CRACR2A: variants seen among roughly 807,000 people sequenced by gnomAD.
The protein encoded by CRACR2A is EF-hand calcium-binding domain-containing protein 4B.
In CRACR2A, 79 loss-of-function variants were observed where a neutral mutation model predicts 90.5. The observed-to-expected ratio is 0.87, with a 90% CI of 0.73 to 1.05. The LOEUF (loss-of-function observed/expected upper bound fraction) is 1.05, where lower values mean the gene tolerates loss of function less well. Ranked by LOEUF, CRACR2A falls within the 50% of genes least tolerant of loss-of-function variation. The pLI is 0.00. For synonymous variants in CRACR2A, 338 were observed against 356.7 expected, an observed-to-expected ratio of 0.95 and a Z score of 0.59; for missense variants, 823 against 897.2, an observed-to-expected ratio of 0.92 and a Z score of 1.06.
At position 3,696,800 on chromosome 12, in the gene CRACR2A, T is replaced by A; in HGVS notation, c.200A>T (p.Lys67Met). ...CATATCCTTCCTGGCGATGAAGCCC[T>A]TGCCTTCAGCATCACAGGTCTGAAA... Reference protein sequence around the residue: ...EFFQTCDAEGKGFIARKDMQR... With the variant: ...EFFQTCDAEGMGFIARKDMQR... The change falls in exon 4 of 20, where the codon AAG (lysine) becomes ATG (methionine). Residue 67 changes from lysine to methionine, a missense_variant. Physicochemically the swap from Lys to Met is moderately conservative, Grantham distance 95. Coordinates refer to ENST00000440314, the MANE Select transcript of CRACR2A (RefSeq NM_001144958.2). The A allele has an allele frequency of 6.2e-7, 1 of 1,614,216 alleles. No homozygotes were observed. Among genetic ancestry groups the A allele is most frequent in the Non-Finnish European group, 8.5e-7 (1 of 1,180,036 alleles).
At chr12:3,672,684 G>T in intron 7 of CRACR2A, 1 of 866,666 alleles carries the variant, frequency 1.2e-6, no homozygotes, top group Non-Finnish European at 1.4e-6. Flanking sequence ...TAATTCTCAT[G>T]AAGGGACTGG....
At chr12:3,733,811 A>C in intron 1 of CRACR2A, among the ~76,000 whole-genome samples, 1 of 151,662 alleles carries the variant, frequency 6.6e-6, no homozygotes, top group Non-Finnish European at 1.5e-5. Context: ...TCCTGAGACC[A>C]CAAGACCACA....
rs1295406691 is a variant in CRACR2A at position 3,746,656 on chromosome 12, A to G, written c.-387+6359T>C. On this transcript the variant is annotated intron_variant, in intron 1 of 19. Transcript: ENST00000440314. This position sits in a 1 kb window ranked among gnomAD's most constrained non-coding sequence, Gnocchi z 4.4. ...AGTATGCATGCCTACTACAGGGACC[A>G]CCCCTCTCTTCTTAGACCAGACCCC... Among the ~76,000 whole-genome samples the G allele has an allele frequency of 6.6e-6, 1 of 152,140 alleles. No individual in the cohort carries two copies. The highest frequency in any genetic ancestry group is 1.9e-4 in the East Asian group (1 of 5,194).
chr12:3,619,630 C>G (rs1204643216), intron 17 of CRACR2A, among the ~76,000 whole-genome samples: 1 of 152,198 alleles, frequency 6.6e-6, no homozygotes, highest in Admixed American at 6.5e-5. Context: ...ACCGCTCCCC[C>G]TTCACGATGC....
At chr12:3,714,342 T>C (rs920627069) in intron 2 of CRACR2A, among the ~76,000 whole-genome samples, 7 of 152,184 alleles carry the variant, frequency 4.6e-5, no homozygotes, top group Non-Finnish European at 8.8e-5. Context: ...TTTTAGATAA[T>C]GAAAAGTGCT....
At chr12:3,715,378 C>T (rs1270714723) in intron 2 of CRACR2A, among the ~76,000 whole-genome samples, 2 of 152,202 alleles carry the variant, frequency 1.3e-5, no homozygotes, top group Non-Finnish European at 2.9e-5. Flanking sequence ...GACAGCTATT[C>T]TAAGATGGAG....
intron 7 of CRACR2A, among the ~76,000 whole-genome samples, chr12:3,662,543 T>C (rs1408785183): frequency 1.3e-5 from 2 of 152,360 alleles, no homozygotes; most frequent in Non-Finnish European, 1.5e-5. Flanking sequence ...TATTTACTCC[T>C]GTCATTTTAA....
intron 7 of CRACR2A, among the ~76,000 whole-genome samples, chr12:3,666,705 C>T (rs1945157986): frequency 6.6e-6 from 1 of 152,246 alleles, no homozygotes; most frequent in African/African-American, 2.4e-5. Context: ...CAGCTAACGG[C>T]ACATAGGCCA....
At chr12:3,641,111 C>T (rs1029026201) in intron 13 of CRACR2A, among the ~76,000 whole-genome samples, 4 of 152,198 alleles carry the variant, frequency 2.6e-5, no homozygotes, top group South Asian at 2.1e-4. Context: ...TTTGGGAGGC[C>T]GAGGCGGGCA....
intron 4 of CRACR2A, among the ~76,000 whole-genome samples, chr12:3,686,726 C>T (rs1945562050): frequency 6.6e-6 from 1 of 152,072 alleles, no homozygotes; most frequent in South Asian, 2.1e-4. Flanking sequence ...CAACATCTAC[C>T]CCAATTCTGT....
intron 3 of CRACR2A, among the ~76,000 whole-genome samples, chr12:3,712,609 C>A (rs1946021950): frequency 6.6e-6 from 1 of 152,182 alleles, no homozygotes; most frequent in Non-Finnish European, 1.5e-5. Context: ...GATTCACCCC[C>A]ATAATCCAAT....
At chr12:3,693,545 G>C (rs964797552) in intron 4 of CRACR2A, among the ~76,000 whole-genome samples, 6 of 152,158 alleles carry the variant, frequency 3.9e-5, no homozygotes, top group African/African-American at 1.2e-4. Context: ...GCCTAAAAAG[G>C]ATCTTATTTC....
At chr12:3,661,131 G>T (rs1253424477) in intron 7 of CRACR2A, among the ~76,000 whole-genome samples, 1 of 152,112 alleles carries the variant, frequency 6.6e-6, no homozygotes, top group Non-Finnish European at 1.5e-5. Flanking sequence ...GCTGTCCAAG[G>T]CTTTGCCACA....
At position 3,733,790 on chromosome 12, in the gene CRACR2A, C is replaced by T. The variant is rs566656702; in HGVS notation, c.-386-580G>A. Among the ~76,000 whole-genome samples the T allele has an allele frequency of 2.0e-5, 3 of 151,682 alleles. No homozygotes were observed. The East Asian group carries it at 5.8e-4, about 29-fold the overall frequency. ...AGCTAAGATTATCTGAGGTGATGTG[C>T]ACTGAGATGTTCCTGAGACCACAAG... On this transcript the variant is annotated intron_variant, in intron 1 of 19. Coordinates refer to ENST00000440314, the MANE Select transcript of CRACR2A (RefSeq NM_001144958.2).
chr12:3,732,552 G>A (rs913763693), intron 2 of CRACR2A: 1 of 152,384 alleles, frequency 6.6e-6, no homozygotes, highest in Non-Finnish European at 1.5e-5. Context: ...AGAAGCTGTC[G>A]CCACTGCTCC....
At chr12:3,660,887 C>CACACACACA (rs1271154180) in intron 7 of CRACR2A, among the ~76,000 whole-genome samples, 12 of 118,870 alleles carry the variant, frequency 1.0e-4, no homozygotes, top group Admixed American at 2.8e-4. Flanking sequence ...CACACACACA[C>CACACACACA]AATTTTGGCC....
intron 11 of CRACR2A, chr12:3,648,080 C>T: frequency 1.0e-6 from 1 of 995,572 alleles, no homozygotes; most frequent in Non-Finnish European, 1.2e-6. Flanking sequence ...CATTCTGGCC[C>T]CATCAGAGAG....
chr12:3,618,126 G>A (rs922055774), intron 18 of CRACR2A, among the ~76,000 whole-genome samples: 33 of 149,442 alleles, frequency 2.2e-4, no homozygotes, highest in African/African-American at 7.7e-4. Context: ...GTGATAATAC[G>A]AATGTATCAC....
At chr12:3,637,993 A>C in intron 14 of CRACR2A, 131 bp downstream of exon 14, 1 of 861,896 alleles carries the variant, frequency 1.2e-6, no homozygotes, top group Non-Finnish European at 1.7e-6. Flanking sequence ...TATTTGGAGG[A>C]CACATATGTG....
Sources: gnomAD v4.1 joint callset for allele counts (sites outside exome capture counted in the v4.1 genomes callset) on GRCh38, gnomAD v4.1.1 for gene constraint, Gnocchi (gnomAD v3.1) non-coding constraint, MANE v1.5 for transcripts, NCBI Gene and HGNC (gene_info 2026-07-23, HGNC 2026-07-21) for gene names.